The following PDE4D variants were observed in gnomAD, a reference collection of about 807,000 sequenced individuals.
PDE4D encodes the protein phosphodiesterase 4D, also known as 3',5'-cyclic-AMP phosphodiesterase 4D.
A neutral mutation model predicts 87.4 loss-of-function variants in PDE4D; 24 were observed. The ratio of observed to expected loss-of-function variants is 0.27; its 90% CI spans 0.20 to 0.39. The LOEUF (loss-of-function observed/expected upper bound fraction) is 0.39, where lower values mean the gene tolerates loss of function less well. Among genes scored for constraint, PDE4D ranks in the 10% least tolerant of loss-of-function variants. PDE4D has a pLI of 1.00. For synonymous variants in PDE4D, 384 were observed against 383.2 expected, an observed-to-expected ratio of 1.00 and a Z score of -0.02; for missense variants, 714 against 1,041.0, an observed-to-expected ratio of 0.69 and a Z score of 4.32.
chr5:59,632,948 A>C (rs963447015), intron 1 of PDE4D, among the ~76,000 whole-genome samples: 5 of 152,152 alleles, frequency 3.3e-5, no homozygotes, highest in Non-Finnish European at 5.9e-5. Context: ...CAAGCTAAAA[A>C]AGTATGTTCT....
At position 59,121,219 on chromosome 5, in the gene PDE4D, T is replaced by C. The variant is rs146897631; in HGVS notation, c.808+59376A>G. On this transcript the variant is annotated intron_variant, in intron 5 of 14. Transcript: ENST00000340635. ...AAATGGGGCTGTATTGAACTAAAAA[T>C]TTCTGTATAGCACAGCAAAGCAAAC... 1.4e-3 allele frequency among the ~76,000 whole-genome samples: 218 copies of C among 152,232 alleles called. 3 individuals carry two copies. In the East Asian group the frequency reaches 0.033, roughly 23 times the overall value.
At chr5:59,748,491 G>A (rs868223060) in intron 1 of PDE4D, among the ~76,000 whole-genome samples, 7 of 152,140 alleles carry the variant, frequency 4.6e-5, no homozygotes, top group East Asian at 1.9e-4. Flanking sequence ...ATGAGTTCAC[G>A]TGCTTTGTAG....
At chr5:59,574,253 A>AT (rs1003318358) in intron 1 of PDE4D, among the ~76,000 whole-genome samples, 1 of 145,670 alleles carries the variant, frequency 6.9e-6, no homozygotes, top group Non-Finnish European at 1.5e-5. Context: ...ATATATATAT[A>AT]TTTTTTAACT....
intron 1 of PDE4D, among the ~76,000 whole-genome samples, chr5:60,468,541 G>A (rs1018768238): frequency 1.3e-5 from 2 of 151,738 alleles, no homozygotes; most frequent in Non-Finnish European, 2.9e-5. Flanking sequence ...GCAATTCTAG[G>A]TGAATTATCT....
chr5:59,882,995 T>A (rs1307004645), intron 1 of PDE4D, among the ~76,000 whole-genome samples: 1 of 152,156 alleles, frequency 6.6e-6, no homozygotes. Flanking sequence ...GCCAGGCTAA[T>A]CTTGAATTCC....
intron 1 of PDE4D, among the ~76,000 whole-genome samples, chr5:60,218,109 T>C (rs1314282710): frequency 6.6e-6 from 1 of 151,948 alleles, no homozygotes; most frequent in Non-Finnish European, 1.5e-5. Context: ...CATTCATAAC[T>C]GAAAAATGAA....
At chr5:59,835,482 T>C (rs1741877281) in intron 1 of PDE4D, among the ~76,000 whole-genome samples, 1 of 152,076 alleles carries the variant, frequency 6.6e-6, no homozygotes, top group African/African-American at 2.4e-5. Flanking sequence ...GCCTTATCAC[T>C]GGGCTATGGC....
intron 1 of PDE4D, among the ~76,000 whole-genome samples, chr5:59,325,512 C>T (rs1296560210): frequency 6.6e-6 from 1 of 152,082 alleles, no homozygotes; most frequent in Non-Finnish European, 1.5e-5. Context: ...TTGTATTTAT[C>T]AATAACAGAA....
chr5:60,475,436 T>C (rs1055225519), intron 1 of PDE4D, among the ~76,000 whole-genome samples: 2 of 151,850 alleles, frequency 1.3e-5, no homozygotes, highest in Non-Finnish European at 2.9e-5. Context: ...AGGAGAAAAA[T>C]ATAAGGCCAA....
At chr5:59,731,616 C>A (rs1268918560) in intron 1 of PDE4D, among the ~76,000 whole-genome samples, 1 of 152,116 alleles carries the variant, frequency 6.6e-6, no homozygotes, top group Non-Finnish European at 1.5e-5. Context: ...TTTTAGCACA[C>A]CTGCCATACT....
chr5:59,384,804 A>G (rs776491449), intron 1 of PDE4D, among the ~76,000 whole-genome samples: 3 of 151,502 alleles, frequency 2.0e-5, no homozygotes, highest in Non-Finnish European at 4.4e-5. Context: ...TTTAGCCATT[A>G]TCTATTCATT....
intron 5 of PDE4D, among the ~76,000 whole-genome samples, chr5:59,075,811 T>C (rs536674700): frequency 5.8e-4 from 89 of 152,308 alleles, no homozygotes; most frequent in Admixed American, 2.0e-3. Flanking sequence ...TATAACTTAC[T>C]TATTAATTTT....
intron 1 of PDE4D, among the ~76,000 whole-genome samples, chr5:59,741,515 T>A (rs1028526937): frequency 6.6e-6 from 1 of 152,180 alleles, no homozygotes; most frequent in African/African-American, 2.4e-5. Context: ...TAATACAATT[T>A]ACTGAAAAAG....
At chr5:59,994,698 A>C (rs765830056) in intron 2 of PDE4D, among the ~76,000 whole-genome samples, 1 of 152,172 alleles carries the variant, frequency 6.6e-6, no homozygotes, top group African/African-American at 2.4e-5. Context: ...CATTATTTAC[A>C]TGAGAGACAC....
At chr5:59,082,473 G>A (rs1385100538) in intron 5 of PDE4D, among the ~76,000 whole-genome samples, 1 of 151,998 alleles carries the variant, frequency 6.6e-6, no homozygotes, top group Non-Finnish European at 1.5e-5. Context: ...TATAAAAAAG[G>A]TAGACCATTA....
At chr5:59,549,145 T>C (rs897179289) in intron 1 of PDE4D, among the ~76,000 whole-genome samples, 2 of 152,156 alleles carry the variant, frequency 1.3e-5, no homozygotes, top group Non-Finnish European at 2.9e-5. Flanking sequence ...AAATAAAATA[T>C]GTTCCCTCTT....
chr5:60,490,113 G>T (rs916632846), upstream of PDE4D: 1 of 152,272 alleles, frequency 6.6e-6, no homozygotes, highest in East Asian at 1.9e-4. Flanking sequence ...CTGGCTCCCT[G>T]ACCCTTACAA....
At chr5:60,028,163 T>C (rs1029393910) in intron 2 of PDE4D, among the ~76,000 whole-genome samples, 5 of 152,226 alleles carry the variant, frequency 3.3e-5, no homozygotes, top group Non-Finnish European at 5.9e-5. Flanking sequence ...TCTTCCTCTG[T>C]TAATCACTTA....
intron 1 of PDE4D, among the ~76,000 whole-genome samples, chr5:60,419,280 A>T (rs2150083970): frequency 6.6e-6 from 1 of 152,296 alleles, no homozygotes; most frequent in South Asian, 2.1e-4. Flanking sequence ...AAAACTGAGT[A>T]TCATGTAGCC....
Sources: allele counts gnomAD v4.1 joint callset (sites outside exome capture counted in the v4.1 genomes callset), GRCh38; gene constraint gnomAD v4.1.1; transcripts MANE v1.5; gene names NCBI Gene and HGNC (gene_info 2026-07-23, HGNC 2026-07-21).